ECE1: variants seen among roughly 807,000 people sequenced by gnomAD.
ECE1 encodes endothelin converting enzyme 1.
In ECE1, 35 loss-of-function variants were observed where a neutral mutation model predicts 98.6. The observed-to-expected ratio is 0.35, with a 90% CI of 0.27 to 0.47. ECE1 has a LOEUF of 0.47. ECE1 is among the 20% of genes least tolerant of loss of function. ECE1 has a pLI of 1.00. For missense variants in ECE1, 814 were observed against 1,025.3 expected (o/e 0.79, Z 2.81); for synonymous variants, 394 against 407.1 (o/e 0.97, Z 0.39).
chr1:21,243,774 G>T (rs888502089), intron 10 of ECE1, among the ~76,000 whole-genome samples: 9 of 152,264 alleles, frequency 5.9e-5, no homozygotes, highest in Non-Finnish European at 1.2e-4. Flanking sequence ...GATGCAGGAG[G>T]AGCAGGAAGG....
At chr1:21,286,324 T>C (rs1303579745) in intron 2 of ECE1, among the ~76,000 whole-genome samples, 1 of 152,260 alleles carries the variant, frequency 6.6e-6, no homozygotes, top group East Asian at 1.9e-4. Context: ...TATTATATCA[T>C]GTCACTCATA....
chr1:21,284,999 A>G (rs917305072), intron 2 of ECE1, among the ~76,000 whole-genome samples: 3 of 152,104 alleles, frequency 2.0e-5, no homozygotes, highest in African/African-American at 4.8e-5. Context: ...AAAGTTCCCC[A>G]AAGTCAGTTT....
At chr1:21,314,440 C>G (rs1266371452) in intron 1 of ECE1, among the ~76,000 whole-genome samples, 1 of 152,212 alleles carries the variant, frequency 6.6e-6, no homozygotes, top group East Asian at 1.9e-4. Flanking sequence ...TGCCATTGCA[C>G]AATTAACAAT....
chr1:21,253,719 C>T (rs563743055), intron 8 of ECE1, among the ~76,000 whole-genome samples: 1 of 143,592 alleles, frequency 7.0e-6, no homozygotes, highest in South Asian at 2.2e-4. Context: ...GCCGAGATGG[C>T]GCCACTGCAC....
At position 21,235,778 on chromosome 1, in the gene ECE1, AC is replaced by A; in HGVS notation, c.1566+71del. The A allele has an allele frequency of 6.7e-7, 1 of 1,502,794 alleles. No individual in the cohort carries two copies. The highest frequency in any genetic ancestry group is 9.3e-7 in the Non-Finnish European group (1 of 1,078,646). 93.1% of individuals were successfully genotyped at this position (1,502,794 alleles called of 1,614,324 possible). A position where few individuals can be genotyped will look rare whatever the true frequency, so the allele number is the denominator to read the frequency against. On this transcript the variant is annotated intron_variant, in intron 13 of 18. Transcript: ENST00000374893. This position sits in a 1 kb window ranked among gnomAD's most constrained non-coding sequence, Gnocchi z 4.2. ...ATGCTGCCTCTAGCACCCCATCTGG[AC>A]CCAGCCCTGCCTCGGCCCTTTTCTA... is the stretch of plus-strand genomic sequence containing the variant.
chr1:21,243,037 C>T (rs763707703), intron 10 of ECE1, among the ~76,000 whole-genome samples: 1 of 152,238 alleles, frequency 6.6e-6, no homozygotes, highest in African/African-American at 2.4e-5. Flanking sequence ...TTGGCAACCA[C>T]AGGGAAGCTT....
intron 2 of ECE1, among the ~76,000 whole-genome samples, chr1:21,286,395 T>G (rs1431381245): frequency 6.6e-6 from 1 of 152,226 alleles, no homozygotes; most frequent in Non-Finnish European, 1.5e-5. Flanking sequence ...CTAAGCATTA[T>G]CCAAAATGCT....
At chr1:21,276,607 G>C (rs966474340) in intron 3 of ECE1, among the ~76,000 whole-genome samples, 2 of 152,122 alleles carry the variant, frequency 1.3e-5, no homozygotes, top group African/African-American at 4.8e-5. Context: ...AGGAAGCATA[G>C]CAGGAAGGTA....
At chr1:21,221,487 A>C (rs2098167409) in intron 18 of ECE1, among the ~76,000 whole-genome samples, 1 of 152,128 alleles carries the variant, frequency 6.6e-6, no homozygotes, top group Admixed American at 6.6e-5. Context: ...TCTTAAGTTT[A>C]AGAAACCTCT....
chr1:21,325,980 A>T (rs1396159006), intron 1 of ECE1, among the ~76,000 whole-genome samples: 4 of 152,094 alleles, frequency 2.6e-5, no homozygotes, highest in African/African-American at 7.2e-5. Context: ...TAGCGCAGTG[A>T]TTTCCACAAC....
At chr1:21,342,512 G>A (rs1639418391) in intron 1 of ECE1, among the ~76,000 whole-genome samples, 1 of 152,070 alleles carries the variant, frequency 6.6e-6, no homozygotes, top group Admixed American at 6.6e-5. Context: ...TCCCTGCCAA[G>A]GGGTTAGAGA....
chr1:21,313,261 A>T (rs1303489752), intron 1 of ECE1, among the ~76,000 whole-genome samples: 1 of 152,164 alleles, frequency 6.6e-6, no homozygotes, highest in Non-Finnish European at 1.5e-5. Flanking sequence ...TGCCTCGGTG[A>T]CCAGGCATAT....
At position 21,260,447 on chromosome 1, in the gene ECE1, CTTTGGGGCAGTCCCTCT is replaced by C; in HGVS notation, c.494-72_494-56del. The C allele has an allele frequency of 9.3e-6, 15 of 1,609,858 alleles. No individual in the cohort carries two copies. The Middle Eastern group carries it at 1.8e-3, about 195-fold the overall frequency. Reference sequence around the variant, plus strand: ...GCGGCCCCACTTGCCCACTGGGTGGCTTTGGGGCAGTCCCTCTTTTCGGAGCCTTGGTGTTCTCAGCT... The same window carrying C: ...GCGGCCCCACTTGCCCACTGGGTGGCTTTCGGAGCCTTGGTGTTCTCAGCT... On this transcript the variant is annotated intron_variant, in intron 4 of 18. Coordinates refer to ENST00000374893, the MANE Select transcript of ECE1 (RefSeq NM_001397.3). This position sits in a 1 kb window ranked among gnomAD's most constrained non-coding sequence, Gnocchi z 4.3.
At chr1:21,255,112 G>C (rs1257018111) in intron 8 of ECE1, among the ~76,000 whole-genome samples, 1 of 152,230 alleles carries the variant, frequency 6.6e-6, no homozygotes, top group Non-Finnish European at 1.5e-5. Context: ...GGAGGGTAAA[G>C]GGCAGGGACC....
chr1:21,303,540 T>A (rs929745720), intron 1 of ECE1, among the ~76,000 whole-genome samples: 21 of 152,216 alleles, frequency 1.4e-4, no homozygotes, highest in African/African-American at 5.1e-4. Context: ...ACTCAGGAAA[T>A]ACCAGCTGTG....
chr1:21,330,376 G>A (rs578156430), intron 1 of ECE1, among the ~76,000 whole-genome samples: 6 of 151,420 alleles, frequency 4.0e-5, no homozygotes, highest in East Asian at 1.9e-4. Flanking sequence ...CCAAAGGCAC[G>A]TGCCACCATG....
chr1:21,243,503 G>A (rs968470521), intron 10 of ECE1, among the ~76,000 whole-genome samples: 1 of 151,980 alleles, frequency 6.6e-6, no homozygotes, highest in Non-Finnish European at 1.5e-5. Flanking sequence ...ACAGGCGTGA[G>A]CCACCACACC....
intron 1 of ECE1, among the ~76,000 whole-genome samples, chr1:21,309,953 G>A (rs1016072532): frequency 4.6e-5 from 7 of 151,876 alleles, no homozygotes; most frequent in African/African-American, 1.2e-4. Flanking sequence ...CACCACACCC[G>A]GCTATTTCTT....
At chr1:21,341,789 AC>A (rs1639404263) in intron 1 of ECE1, among the ~76,000 whole-genome samples, 1 of 151,016 alleles carries the variant, frequency 6.6e-6, no homozygotes. Flanking sequence ...CTATCTTCAA[AC>A]AGTAACGCTT....
Sources: allele counts gnomAD v4.1 joint callset (sites outside exome capture counted in the v4.1 genomes callset), GRCh38; gene constraint gnomAD v4.1.1; non-coding constraint Gnocchi (gnomAD v3.1); transcripts MANE v1.5; gene names NCBI Gene and HGNC (gene_info 2026-07-23, HGNC 2026-07-21).